The following UBASH3B variants were observed in gnomAD, a reference collection of about 807,000 sequenced individuals.
The protein encoded by UBASH3B is ubiquitin associated and SH3 domain containing B, also known as ubiquitin-associated and SH3 domain-containing protein B.
Under a neutral mutation model 83.4 loss-of-function variants are expected in UBASH3B, and 37 were observed. That is an observed-to-expected ratio of 0.44 (90% CI 0.34 to 0.58). UBASH3B has a LOEUF of 0.58. Ranked by LOEUF, UBASH3B falls within the 20% of genes least tolerant of loss-of-function variation. The pLI is 0.01. For missense variants in UBASH3B, 657 were observed against 827.2 expected, an observed-to-expected ratio of 0.79 and a Z score of 2.52; for synonymous variants, 304 against 318.3, an observed-to-expected ratio of 0.96 and a Z score of 0.48.
intron 1 of UBASH3B, among the ~76,000 whole-genome samples, chr11:122,746,925 A>G (rs1861127193): frequency 6.6e-6 from 1 of 152,224 alleles, no homozygotes; most frequent in Admixed American, 6.5e-5. Flanking sequence ...ATCTTGACCT[A>G]AAGTCATCCT....
intron 1 of UBASH3B, among the ~76,000 whole-genome samples, chr11:122,716,625 G>A (rs569248998): frequency 1.5e-4 from 23 of 152,280 alleles, no homozygotes; most frequent in Admixed American, 1.1e-3. Context: ...AAGGTTGCCT[G>A]TGGGAGACCT....
At position 122,812,422 on chromosome 11, in the gene UBASH3B, A is replaced by G. The variant is rs997066068; in HGVS notation, c.*2536A>G. The G allele has an allele frequency of 6.6e-6, 1 of 152,234 alleles. No individual in the cohort carries two copies. Among genetic ancestry groups the G allele is most frequent in the Admixed American group, 6.5e-5 (1 of 15,280 alleles). The allele number at this position is 152,234 out of a possible 1,614,324, so 9.4% of individuals were successfully genotyped here. On this transcript the variant is annotated 3_prime_UTR_variant, in exon 14 of 14. Transcript: ENST00000284273. ...AGAGACAACTATATTACTCAATTTCATATACATCCAAAAAGTATAGGCTAA... is the reference window on the plus strand; with the variant it reads ...AGAGACAACTATATTACTCAATTTCGTATACATCCAAAAAGTATAGGCTAA...
At chr11:122,712,095 GA>G (rs1190229602) in intron 1 of UBASH3B, among the ~76,000 whole-genome samples, 1 of 151,142 alleles carries the variant, frequency 6.6e-6, no homozygotes, top group East Asian at 2.0e-4. Flanking sequence ...GCACTAGGGG[GA>G]AAAAACTTCT....
intron 1 of UBASH3B, among the ~76,000 whole-genome samples, chr11:122,750,814 C>T (rs1411403685): frequency 6.6e-6 from 1 of 152,206 alleles, no homozygotes; most frequent in Non-Finnish European, 1.5e-5. Context: ...AGAGTCCCCT[C>T]CTTCTCCACC....
chr11:122,701,095 C>T (rs76688790), intron 1 of UBASH3B, among the ~76,000 whole-genome samples: 11,241 of 152,292 alleles, frequency 0.074, 513 homozygotes, highest in Middle Eastern at 0.12. Flanking sequence ...AGCCCACGGG[C>T]TGCTACTAAT....
At chr11:122,733,008 T>C (rs188135135) in intron 1 of UBASH3B, among the ~76,000 whole-genome samples, 1 of 152,290 alleles carries the variant, frequency 6.6e-6, no homozygotes, top group East Asian at 1.9e-4. Context: ...AGCAGAAAGC[T>C]TTTGAAGGCC....
At chr11:122,681,341 G>C (rs1248070510) in intron 1 of UBASH3B, among the ~76,000 whole-genome samples, 1 of 152,112 alleles carries the variant, frequency 6.6e-6, no homozygotes, top group East Asian at 1.9e-4. Context: ...ATTTCTTCTT[G>C]TTCTAGCCAG....
chr11:122,702,777 G>A (rs947775786), intron 1 of UBASH3B, among the ~76,000 whole-genome samples: 2 of 151,912 alleles, frequency 1.3e-5, no homozygotes, highest in African/African-American at 2.4e-5. Context: ...CACCCGCCTC[G>A]GCCTCCCAAA....
intron 6 of UBASH3B, among the ~76,000 whole-genome samples, chr11:122,793,888 G>C (rs570616935): frequency 6.6e-6 from 1 of 152,318 alleles, no homozygotes; most frequent in Non-Finnish European, 1.5e-5. Context: ...GGGTAGAATA[G>C]GGGACTTTGG....
chr11:122,785,230 G>A (rs10892900), intron 5 of UBASH3B, among the ~76,000 whole-genome samples: 26,914 of 152,144 alleles, frequency 0.18, 2,712 homozygotes, highest in African/African-American at 0.26. Flanking sequence ...TCTCTTATTT[G>A]TAAAAGCTCA....
intron 9 of UBASH3B, 141 bp downstream of exon 9, chr11:122,797,174 A>G: frequency 1.7e-6 from 2 of 1,195,600 alleles, no homozygotes; most frequent in Non-Finnish European, 2.3e-6. Context: ...AACTTACTAC[A>G]CAACCATTAA....
intron 1 of UBASH3B, among the ~76,000 whole-genome samples, chr11:122,685,065 G>A (rs1182043526): frequency 6.6e-6 from 1 of 152,152 alleles, no homozygotes; most frequent in Non-Finnish European, 1.5e-5. Context: ...TTGCCCCCCG[G>A]CAAGAGGAAA....
intron 1 of UBASH3B, among the ~76,000 whole-genome samples, chr11:122,663,628 AC>A (rs1289948608): frequency 6.6e-6 from 1 of 152,204 alleles, no homozygotes; most frequent in Non-Finnish European, 1.5e-5. Context: ...ATGTGGTGGT[AC>A]TATCACTGCC....
chr11:122,672,176 C>T (rs941112269), intron 1 of UBASH3B, among the ~76,000 whole-genome samples: 2 of 151,808 alleles, frequency 1.3e-5, no homozygotes, highest in African/African-American at 4.8e-5. Context: ...ATGAATAAGA[C>T]CCTGACCACA....
At chr11:122,772,471 G>A (rs1163426296) in intron 1 of UBASH3B, among the ~76,000 whole-genome samples, 1 of 152,158 alleles carries the variant, frequency 6.6e-6, no homozygotes, top group Non-Finnish European at 1.5e-5. Context: ...GGAGAGGAGG[G>A]AGGGAAAGAA....
chr11:122,689,925 G>C (rs1345436729), intron 1 of UBASH3B, among the ~76,000 whole-genome samples: 1 of 151,848 alleles, frequency 6.6e-6, no homozygotes, highest in Non-Finnish European at 1.5e-5. Flanking sequence ...GAGCTTCCAC[G>C]GCCTCCCCTG....
chr11:122,673,496 A>C (rs111442236), intron 1 of UBASH3B, among the ~76,000 whole-genome samples: 7,122 of 152,128 alleles, frequency 0.047, 189 homozygotes, highest in South Asian at 0.081. Flanking sequence ...AAAATACAAA[A>C]ATAAAAATAA....
intron 5 of UBASH3B, among the ~76,000 whole-genome samples, chr11:122,785,410 C>A (rs1019564031): frequency 8.5e-5 from 13 of 152,166 alleles, no homozygotes; most frequent in African/African-American, 2.9e-4. Context: ...AGTGAGGGAA[C>A]AGATGTCCAG....
chr11:122,795,940 C>G (rs898137431), intron 7 of UBASH3B, among the ~76,000 whole-genome samples: 1 of 152,216 alleles, frequency 6.6e-6, no homozygotes, highest in African/African-American at 2.4e-5. Flanking sequence ...CAATAATGCC[C>G]TTTTCATAAC....
Sources: allele counts gnomAD v4.1 joint callset (sites outside exome capture counted in the v4.1 genomes callset), GRCh38; gene constraint gnomAD v4.1.1; transcripts MANE v1.5; gene names NCBI Gene and HGNC (gene_info 2026-07-23, HGNC 2026-07-21).